WDPCP: variants seen among roughly 807,000 people sequenced by gnomAD.
WDPCP encodes the protein WD repeat-containing and planar cell polarity effector protein fritz homolog.
A neutral mutation model predicts 93.1 loss-of-function variants in WDPCP; 71 were observed. The observed-to-expected ratio is 0.76, with a 90% CI of 0.63 to 0.93. The LOEUF (loss-of-function observed/expected upper bound fraction) is 0.93. Ranked by LOEUF, WDPCP falls within the 40% of genes least tolerant of loss-of-function variation. WDPCP has a pLI of 0.00. For missense variants in WDPCP, 844 were observed against 887.4 expected, an observed-to-expected ratio of 0.95 and a Z score of 0.62; for synonymous variants, 315 against 315.0, an observed-to-expected ratio of 1.00 and a Z score of 0.00.
intron 2 of WDPCP, among the ~76,000 whole-genome samples, chr2:63,674,609 C>A (rs777267317): frequency 3.4e-4 from 51 of 151,916 alleles, no homozygotes; most frequent in Non-Finnish European, 5.1e-4. Flanking sequence ...TGAATAAGTT[C>A]TAGAGATCTG....
At chr2:63,359,045 T>C (rs1480042261) in intron 12 of WDPCP, among the ~76,000 whole-genome samples, 3 of 152,188 alleles carry the variant, frequency 2.0e-5, no homozygotes, top group Non-Finnish European at 4.4e-5. Flanking sequence ...CTCTTCTCCC[T>C]GTCCTTGCAC....
chr2:63,799,289 T>TA (rs1337513697), intron 2 of WDPCP, among the ~76,000 whole-genome samples: 3 of 152,128 alleles, frequency 2.0e-5, no homozygotes, highest in African/African-American at 7.2e-5. Flanking sequence ...AAACTGAATA[T>TA]AAAGGAGAGT....
intron 1 of WDPCP, among the ~76,000 whole-genome samples, chr2:63,582,782 T>C (rs1236403937): frequency 6.6e-6 from 1 of 152,160 alleles, no homozygotes; most frequent in Non-Finnish European, 1.5e-5. Flanking sequence ...ATCTTCAAAG[T>C]ACTGAAAGAA....
chr2:63,368,095 T>G (rs1691059110), intron 12 of WDPCP, among the ~76,000 whole-genome samples: 1 of 152,086 alleles, frequency 6.6e-6, no homozygotes, highest in Admixed American at 6.6e-5. Context: ...GACCAGAATC[T>G]ACAGCAAGCT....
chr2:63,785,781 C>G (rs780147707), intron 2 of WDPCP, among the ~76,000 whole-genome samples: 1 of 152,088 alleles, frequency 6.6e-6, no homozygotes, highest in Non-Finnish European at 1.5e-5. Flanking sequence ...TCTGGAGAAA[C>G]CTGATTTAAC....
At chr2:63,255,488 A>G (rs2104746409) in intron 14 of WDPCP, among the ~76,000 whole-genome samples, 1 of 152,246 alleles carries the variant, frequency 6.6e-6, no homozygotes, top group Non-Finnish European at 1.5e-5. Context: ...CATGGTAAGA[A>G]CTGAGTTCTT....
At chr2:63,697,519 C>T (rs1226209621) in intron 2 of WDPCP, among the ~76,000 whole-genome samples, 1 of 152,164 alleles carries the variant, frequency 6.6e-6, no homozygotes, top group Non-Finnish European at 1.5e-5. Flanking sequence ...TATGATCATA[C>T]ACACAAAGAA....
intron 14 of WDPCP, among the ~76,000 whole-genome samples, chr2:63,225,959 T>C (rs1400154112): frequency 6.6e-6 from 1 of 151,916 alleles, no homozygotes; most frequent in Non-Finnish European, 1.5e-5. Context: ...ATGGTCTGGA[T>C]GCCAATTATA....
chr2:63,189,068 C>T (rs1674849344), intron 14 of WDPCP, among the ~76,000 whole-genome samples: 1 of 152,114 alleles, frequency 6.6e-6, no homozygotes, highest in East Asian at 1.9e-4. Context: ...TGTCTTCTTT[C>T]CTGTGTCTTC....
the WDPCP span, among the ~76,000 whole-genome samples, chr2:63,833,082 A>G: frequency 6.6e-6 from 1 of 152,106 alleles, no homozygotes; most frequent in Non-Finnish European, 1.5e-5. Flanking sequence ...GTGAAACTCC[A>G]TCTCTACTAA....
At chr2:63,680,062 C>T (rs1207277824) in intron 2 of WDPCP, among the ~76,000 whole-genome samples, 3 of 152,196 alleles carry the variant, frequency 2.0e-5, no homozygotes, top group African/African-American at 7.2e-5. Context: ...CAAGTTCATC[C>T]CTTGCTAGGG....
intron 14 of WDPCP, among the ~76,000 whole-genome samples, chr2:63,244,000 A>G (rs576530217): frequency 6.6e-6 from 1 of 152,262 alleles, no homozygotes; most frequent in Non-Finnish European, 1.5e-5. Flanking sequence ...AGTCTCAATA[A>G]ATGAAAAAAA....
chr2:63,566,742 TAA>T (rs1468185938), intron 1 of WDPCP, among the ~76,000 whole-genome samples: 1 of 152,168 alleles, frequency 6.6e-6, no homozygotes, highest in Non-Finnish European at 1.5e-5. Flanking sequence ...TCTACAGGTT[TAA>T]GAGCTCAGTC....
intron 2 of WDPCP, chr2:63,684,205 T>C (rs1222593697): frequency 2.3e-5 from 8 of 353,540 alleles, no homozygotes; most frequent in Non-Finnish European, 4.3e-5. Context: ...TTTTCAAGGA[T>C]AGGCCATATG....
intron 2 of WDPCP, among the ~76,000 whole-genome samples, chr2:63,692,079 A>G (rs1270888499): frequency 6.6e-6 from 1 of 152,166 alleles, no homozygotes; most frequent in African/African-American, 2.4e-5. Context: ...ATTTTCTTCA[A>G]GTTTTGTTTG....
intron 15 of WDPCP, among the ~76,000 whole-genome samples, chr2:63,162,038 G>A (rs1164028335): frequency 6.6e-6 from 1 of 152,102 alleles, no homozygotes; most frequent in African/African-American, 2.4e-5. Context: ...CCAAAATGCT[G>A]GGATTACTGG....
intron 12 of WDPCP, among the ~76,000 whole-genome samples, chr2:63,358,924 T>C (rs890870932): frequency 1.3e-5 from 2 of 152,232 alleles, no homozygotes; most frequent in Non-Finnish European, 2.9e-5. Flanking sequence ...TTCTAGTCCC[T>C]GACAAAAGCC....
rs186555261 is a variant in WDPCP, at chr2:63,246,757, C to T, written c.1915+12550G>A. On this transcript the variant is annotated intron_variant, in intron 14 of 17. Coordinates refer to ENST00000272321, the MANE Select transcript of WDPCP (RefSeq NM_015910.7). The stretch of plus-strand genomic sequence containing the variant: ...GTCAAGTGAGAGAAAAATGTCTGAC[C>T]TCCTTACATATGCAACAAATATACC... Among the ~76,000 whole-genome samples, 30 of 152,232 alleles carry T rather than the reference C, an allele frequency of 2.0e-4. No homozygotes were observed. In the South Asian group the frequency reaches 3.1e-3, roughly 16 times the overall value.
At chr2:63,328,287 G>C (rs1687718899) in intron 12 of WDPCP, among the ~76,000 whole-genome samples, 1 of 150,948 alleles carries the variant, frequency 6.6e-6, no homozygotes, top group Non-Finnish European at 1.5e-5. Flanking sequence ...CGAGCCAGCA[G>C]TGGCAACCTG....
Sources: allele counts gnomAD v4.1 joint callset (sites outside exome capture counted in the v4.1 genomes callset), GRCh38; gene constraint gnomAD v4.1.1; transcripts MANE v1.5; gene names NCBI Gene and HGNC (gene_info 2026-07-23, HGNC 2026-07-21).